PPP1R12B: variants seen among roughly 807,000 people sequenced by gnomAD.
PPP1R12B encodes the protein myosin phosphatase target subunit 2.
PPP1R12B carries 76 observed loss-of-function variants against 126.1 expected under a neutral mutation model. The observed-to-expected ratio is 0.60, with a 90% CI of 0.50 to 0.73. PPP1R12B has a LOEUF of 0.73. PPP1R12B is among the 30% of genes least tolerant of loss of function. The pLI is 0.00. For synonymous variants in PPP1R12B, 356 were observed against 434.7 expected (o/e 0.82, Z 2.25); for missense variants, 1,052 against 1,205.1 (o/e 0.87, Z 1.88).
chr1:202,387,284 G>C (rs1663307599), intron 1 of PPP1R12B, among the ~76,000 whole-genome samples: 1 of 152,192 alleles, frequency 6.6e-6, no homozygotes, highest in African/African-American at 2.4e-5. Context: ...CAGAAAATAG[G>C]CTGGGCTACT....
chr1:202,396,144 C>T (rs974339642), intron 1 of PPP1R12B, among the ~76,000 whole-genome samples: 6 of 152,060 alleles, frequency 3.9e-5, no homozygotes, highest in African/African-American at 1.4e-4. Context: ...TATCACTGCA[C>T]CAAAAAAACC....
chr1:202,430,312 G>A (rs1244594839), intron 6 of PPP1R12B, among the ~76,000 whole-genome samples: 1 of 152,174 alleles, frequency 6.6e-6, no homozygotes, highest in African/African-American at 2.4e-5. Flanking sequence ...TCTAGAGCAT[G>A]CATCTAAATA....
In PPP1R12B at chr1:202,588,749, C is replaced by T. The variant is rs1689970691; in HGVS notation, c.*8189C>T. ...GTGAGTCATGGCCACTGAGAAGGGTCTCTGGTAGTATCAAGGAATTTCCTA... is the reference window on the plus strand; with the variant it reads ...GTGAGTCATGGCCACTGAGAAGGGTTTCTGGTAGTATCAAGGAATTTCCTA... On this transcript the variant is annotated 3_prime_UTR_variant, in exon 24 of 24. Transcript: ENST00000608999. 6.6e-6 allele frequency: 1 copy of T among 151,488 alleles called. No individual in the cohort carries two copies. The highest frequency in any genetic ancestry group is 2.4e-5 in the African/African-American group (1 of 41,148). 9.4% of individuals were successfully genotyped at this position (151,488 alleles called of 1,614,324 possible).
chr1:202,472,017 T>G (rs1675978353), intron 13 of PPP1R12B: 10 of 1,595,028 alleles, frequency 6.3e-6, no homozygotes, highest in Non-Finnish European at 8.5e-6. Flanking sequence ...GCATTTCACA[T>G]CCATGAAGTA....
Position 202,508,547 on chromosome 1 carries a change from C to T in PPP1R12B, c.2490+11725C>T, listed in dbSNP as rs1244537320. Among the ~76,000 whole-genome samples the T allele has an allele frequency of 6.6e-6, 1 of 152,096 alleles. No homozygotes were observed. Among genetic ancestry groups the T allele is most frequent in the East Asian group, 1.9e-4 (1 of 5,198 alleles). On this transcript the variant is annotated intron_variant, in intron 18 of 23. Transcript: ENST00000608999. This position sits in a 1 kb window ranked among gnomAD's most constrained non-coding sequence, Gnocchi z 4.5. The stretch of plus-strand genomic sequence containing the variant: ...GAAAAATTTTTTCAGGAAACAGAAG[C>T]ATTTTAAAGGCAAACAACATGTTTG...
chr1:202,412,834 A>G (rs1400252238), intron 1 of PPP1R12B, among the ~76,000 whole-genome samples: 2 of 152,204 alleles, frequency 1.3e-5, no homozygotes, highest in African/African-American at 4.8e-5. Context: ...AATAAAATAA[A>G]AATGTTGATT....
chr1:202,576,794 A>G (rs2149040350), intron 23 of PPP1R12B: 1 of 150,668 alleles, frequency 6.6e-6, no homozygotes, highest in Admixed American at 6.8e-5. Flanking sequence ...AGTTTTTCTC[A>G]TTTATTCCCC....
At chr1:202,577,080 C>G (rs1182458120) in intron 23 of PPP1R12B, 1 of 152,234 alleles carries the variant, frequency 6.6e-6, no homozygotes, top group African/African-American at 2.4e-5. Context: ...GGGCAGCATT[C>G]TGCTTTCTGA....
In PPP1R12B at chr1:202,585,475, C is replaced by T. The variant is rs946847104; in HGVS notation, c.*4915C>T. ...TTTAGTCATGTGACTTTGGGCAGGT[C>T]ACCCTCCCTGTCTGTAAAATGAGGT... On this transcript the variant is annotated 3_prime_UTR_variant, in exon 24 of 24. Transcript: ENST00000608999. The T allele has an allele frequency of 6.6e-6, 1 of 152,232 alleles. No homozygotes were observed. 9.4% of individuals were successfully genotyped at this position (152,232 alleles called of 1,614,324 possible).
Position 202,562,714 on chromosome 1 carries a change from A to G in PPP1R12B, c.2508-64A>G, listed in dbSNP as rs1211038250. The G allele has an allele frequency of 3.3e-6, 5 of 1,528,750 alleles. No individual in the cohort carries two copies. The Admixed American group carries it at 5.0e-5, about 15-fold the overall frequency. The allele number at this position is 1,528,750 out of a possible 1,614,324, so 94.7% of individuals were successfully genotyped here. A position where few individuals can be genotyped will look rare whatever the true frequency, so the allele number is the denominator to read the frequency against. ...GAAAAGGCGCAAACTACCCCTGAGCATTACCTTCTCCCCACTACTTTGTTC... is the reference window on the plus strand; with the variant it reads ...GAAAAGGCGCAAACTACCCCTGAGCGTTACCTTCTCCCCACTACTTTGTTC... On this transcript the variant is annotated intron_variant, in intron 19 of 23. Coordinates refer to ENST00000608999, the MANE Select transcript of PPP1R12B (RefSeq NM_002481.4).
chr1:202,564,394 G>A (rs1338963261), intron 20 of PPP1R12B, 49 bp from the exon 21 acceptor site: 1 of 1,367,038 alleles, frequency 7.3e-7, no homozygotes, highest in Admixed American at 1.7e-5. Context: ...TGATGAAATG[G>A]TGTGAGTTCT....
intron 18 of PPP1R12B, among the ~76,000 whole-genome samples, chr1:202,511,766 C>G (rs1572342938): frequency 6.9e-6 from 1 of 144,142 alleles, no homozygotes; most frequent in African/African-American, 2.5e-5. Context: ...TGTATATATA[C>G]CACAATTTTT....
intron 18 of PPP1R12B, among the ~76,000 whole-genome samples, chr1:202,513,454 C>A (rs1050093630): frequency 6.6e-6 from 1 of 151,972 alleles, no homozygotes; most frequent in African/African-American, 2.4e-5. Flanking sequence ...AATGATTTTG[C>A]TTTTGGACAT....
chr1:202,558,918 G>T (rs766383773), intron 19 of PPP1R12B, 25 bp downstream of exon 19: 22 of 1,576,564 alleles, frequency 1.4e-5, no homozygotes, highest in Non-Finnish European at 1.9e-5. Flanking sequence ...TGTTATATAT[G>T]CATGCTTAAT....
At chr1:202,364,968 T>C (rs1658930540) in intron 1 of PPP1R12B, among the ~76,000 whole-genome samples, 1 of 152,152 alleles carries the variant, frequency 6.6e-6, no homozygotes, top group African/African-American at 2.4e-5. Flanking sequence ...CACCTCAGCC[T>C]CCCAAAGTGC....
chr1:202,485,746 G>A (rs746770880), intron 13 of PPP1R12B, among the ~76,000 whole-genome samples: 10 of 152,000 alleles, frequency 6.6e-5, no homozygotes, highest in Admixed American at 2.0e-4. Context: ...GTACTTCTTT[G>A]GTCATTTTAA....
chr1:202,413,213 G>A (rs1413733794), intron 1 of PPP1R12B, among the ~76,000 whole-genome samples: 1 of 152,032 alleles, frequency 6.6e-6, no homozygotes, highest in Non-Finnish European at 1.5e-5. Context: ...TGTAAAAGAA[G>A]TATCAAATAT....
chr1:202,368,602 G>A (rs1659695353), intron 1 of PPP1R12B, among the ~76,000 whole-genome samples: 1 of 151,184 alleles, frequency 6.6e-6, no homozygotes, highest in South Asian at 2.1e-4. Context: ...TCCTCCCCCA[G>A]GCTACCACTG....
intron 18 of PPP1R12B, among the ~76,000 whole-genome samples, chr1:202,506,686 G>A (rs1572324654): frequency 6.6e-6 from 1 of 152,186 alleles, no homozygotes; most frequent in African/African-American, 2.4e-5. Flanking sequence ...GTTTGTGTTA[G>A]TGACTTGTGA....
Sources: gnomAD v4.1 joint callset for allele counts (sites outside exome capture counted in the v4.1 genomes callset) on GRCh38, gnomAD v4.1.1 for gene constraint, Gnocchi (gnomAD v3.1) non-coding constraint, MANE v1.5 for transcripts, NCBI Gene and HGNC (gene_info 2026-07-23, HGNC 2026-07-21) for gene names.